The following ENTREP2 variants were observed in gnomAD, a reference collection of about 807,000 sequenced individuals.
The protein encoded by ENTREP2 is protein ENTREP2.
chr15:29,259,057 C>T, the ENTREP2 span, among the ~76,000 whole-genome samples: 3 of 152,198 alleles, frequency 2.0e-5, no homozygotes, highest in Non-Finnish European at 2.9e-5. Flanking sequence ...ACACTTGTAG[C>T]ATCCAGAGGG....
the ENTREP2 span, among the ~76,000 whole-genome samples, chr15:29,581,909 G>A: frequency 7.8e-3 from 1,179 of 150,482 alleles, 14 homozygotes; most frequent in African/African-American, 0.027. Flanking sequence ...TAACTGAATA[G>A]AGAACCCAGA....
the ENTREP2 span, among the ~76,000 whole-genome samples, chr15:29,371,994 A>AT: frequency 6.6e-6 from 1 of 152,134 alleles, no homozygotes; most frequent in Non-Finnish European, 1.5e-5. Flanking sequence ...TTCCCCAACA[A>AT]TTTTTCTTGA....
At chr15:29,207,409 AG>A in the ENTREP2 span, among the ~76,000 whole-genome samples, 1 of 131,508 alleles carries the variant, frequency 7.6e-6, no homozygotes, top group East Asian at 2.4e-4. Flanking sequence ...GCAAGAGAAC[AG>A]ATCTTCCACC....
the ENTREP2 span, among the ~76,000 whole-genome samples, chr15:29,545,773 G>C: frequency 6.6e-6 from 1 of 152,118 alleles, no homozygotes; most frequent in South Asian, 2.1e-4. Flanking sequence ...ATTTTTTTAA[G>C]TTAGTCAAAT....
chr15:29,478,347 C>T, the ENTREP2 span, among the ~76,000 whole-genome samples: 50 of 152,030 alleles, frequency 3.3e-4, no homozygotes, highest in Non-Finnish European at 6.6e-4. Flanking sequence ...TTTTCTTCAA[C>T]CCAATACATT....
the ENTREP2 span, among the ~76,000 whole-genome samples, chr15:29,644,837 AG>A: frequency 6.4e-4 from 97 of 151,706 alleles, no homozygotes; most frequent in Middle Eastern, 3.4e-3. Flanking sequence ...AGAAAAAAAA[AG>A]AAAGAAAAGA....
the ENTREP2 span, among the ~76,000 whole-genome samples, chr15:29,124,086 G>GC: frequency 0.13 from 20,036 of 151,658 alleles, 1,715 homozygotes; most frequent in African/African-American, 0.24. Context: ...ACATGAGACC[G>GC]CCCCCCCCAT....
chr15:29,170,550 A>G, the ENTREP2 span, among the ~76,000 whole-genome samples: 1 of 152,148 alleles, frequency 6.6e-6, no homozygotes, highest in Non-Finnish European at 1.5e-5. Flanking sequence ...TTATAAATCC[A>G]ATGGAATTCC....
At chr15:29,285,411 T>C in the ENTREP2 span, among the ~76,000 whole-genome samples, 1 of 152,170 alleles carries the variant, frequency 6.6e-6, no homozygotes, top group Non-Finnish European at 1.5e-5. Context: ...TCCCTGCAGA[T>C]ATGAAAAAGA....
At chr15:29,172,214 C>T in the ENTREP2 span, among the ~76,000 whole-genome samples, 34 of 152,292 alleles carry the variant, frequency 2.2e-4, no homozygotes, top group East Asian at 6.2e-3. Flanking sequence ...ACCAACTGGA[C>T]TTCAGGAATA....
At chr15:29,158,979 A>G in the ENTREP2 span, among the ~76,000 whole-genome samples, 1 of 152,246 alleles carries the variant, frequency 6.6e-6, no homozygotes, top group Non-Finnish European at 1.5e-5. Context: ...AGCGACAGCA[A>G]TGACAATGTA....
At chr15:29,573,222 G>A in the ENTREP2 span, among the ~76,000 whole-genome samples, 1 of 152,198 alleles carries the variant, frequency 6.6e-6, no homozygotes, top group African/African-American at 2.4e-5. Context: ...AGGTGGGTTA[G>A]GAGAGGGATC....
the ENTREP2 span, among the ~76,000 whole-genome samples, chr15:29,343,929 G>C: frequency 6.6e-6 from 1 of 152,164 alleles, no homozygotes; most frequent in African/African-American, 2.4e-5. Flanking sequence ...GAATTATCCA[G>C]GTTTATCCAA....
chr15:29,213,229 C>T, the ENTREP2 span, among the ~76,000 whole-genome samples: 1 of 152,138 alleles, frequency 6.6e-6, no homozygotes. Flanking sequence ...TAGCGTGATG[C>T]CTCCAGCTTT....
the ENTREP2 span, among the ~76,000 whole-genome samples, chr15:29,420,938 C>G: frequency 1.3e-5 from 2 of 152,168 alleles, no homozygotes; most frequent in South Asian, 4.1e-4. Flanking sequence ...TTAGGTGAAA[C>G]TAATGCAGAA....
the ENTREP2 span, among the ~76,000 whole-genome samples, chr15:29,157,970 G>C: frequency 6.6e-6 from 1 of 152,044 alleles, no homozygotes; most frequent in Non-Finnish European, 1.5e-5. Context: ...AGCCGCCTTG[G>C]CCTCCCAAAG....
chr15:29,597,821 G>GAT, the ENTREP2 span, among the ~76,000 whole-genome samples: 1 of 151,796 alleles, frequency 6.6e-6, no homozygotes, highest in Non-Finnish European at 1.5e-5. Flanking sequence ...TGTTGACTCT[G>GAT]ATAGTAAGAC....
chr15:29,289,693 A>T, the ENTREP2 span, among the ~76,000 whole-genome samples: 2 of 151,946 alleles, frequency 1.3e-5, no homozygotes, highest in African/African-American at 4.8e-5. Context: ...TAAAAATACA[A>T]AAATTAGCCA....
the ENTREP2 span, among the ~76,000 whole-genome samples, chr15:29,616,321 C>G: frequency 6.6e-6 from 1 of 152,214 alleles, no homozygotes; most frequent in South Asian, 2.1e-4. Context: ...AGTTAGCCTG[C>G]AGTGTGAGAA....
Sources: gnomAD v4.1 joint callset for allele counts (sites outside exome capture counted in the v4.1 genomes callset) on GRCh38, gnomAD v4.1.1 for gene constraint, MANE v1.5 for transcripts, NCBI Gene and HGNC (gene_info 2026-07-23, HGNC 2026-07-21) for gene names.